The following DDX60 variants were observed in gnomAD, a reference collection of about 807,000 sequenced individuals.
The protein encoded by DDX60 is DExD/H-box helicase 60.
DDX60 carries 165 observed loss-of-function variants against 212.8 expected under a neutral mutation model. The observed-to-expected ratio is 0.78, with a 90% CI of 0.68 to 0.88. The LOEUF (loss-of-function observed/expected upper bound fraction) is 0.88, where lower values mean the gene tolerates loss of function less well. Ranked by LOEUF, DDX60 falls within the 40% of genes least tolerant of loss-of-function variation. The probability of loss-of-function intolerance (pLI) is 0.00; values close to 1 mark genes in which losing one functional copy is unlikely to be tolerated. For missense variants in DDX60, 1,905 were observed against 2,003.9 expected (o/e 0.95, Z 0.94); for synonymous variants, 703 against 685.3 (o/e 1.03, Z -0.40).
chr4:168,284,451 T>C (rs1012267329), intron 12 of DDX60, among the ~76,000 whole-genome samples: 1 of 152,224 alleles, frequency 6.6e-6, no homozygotes, highest in Non-Finnish European at 1.5e-5. Context: ...TGAAGGCAGA[T>C]AGAATGCTGG....
intron 13 of DDX60, 110 bp from the exon 14 acceptor site, chr4:168,280,700 A>G (rs1359081142): frequency 8.2e-7 from 1 of 1,225,742 alleles, no homozygotes; most frequent in African/African-American, 1.5e-5. Flanking sequence ...CCATCATCCC[A>G]TTTTGAGTAG....
intron 30 of DDX60, among the ~76,000 whole-genome samples, chr4:168,242,129 C>G (rs1018661602): frequency 1.3e-5 from 2 of 152,194 alleles, no homozygotes; most frequent in Non-Finnish European, 2.9e-5. Context: ...GGTATGGGAA[C>G]CTCTGCCTCA....
intron 30 of DDX60, among the ~76,000 whole-genome samples, chr4:168,245,538 T>TA (rs1489475981): frequency 2.0e-5 from 3 of 151,970 alleles, no homozygotes; most frequent in African/African-American, 2.4e-5. Context: ...TATAGAGAGG[T>TA]AAAAATGAAG....
chr4:168,293,945 C>T lies in DDX60; in HGVS notation c.724G>A (p.Ala242Thr), dbSNP rs146271794. 3.2e-5 allele frequency: 51 copies of T among 1,593,710 alleles called. No individual in the cohort carries two copies. The highest frequency in any genetic ancestry group is 4.1e-5 in the African/African-American group (3 of 73,492). ...GTAAGCAGAGATACAGTCTTGTGTG[C>T]CTGTCAAAGAAAAAAATTGTAATGT... is the stretch of plus-strand genomic sequence containing the variant. Reference protein sequence around the residue: ...SLKWNNITEEAHKTVSLLTQV... With the variant: ...SLKWNNITEETHKTVSLLTQV... Residue 242 changes from alanine to threonine, a missense_variant and splice_region_variant, in exon 7 of 38, where the codon GCA (alanine) becomes ACA (threonine). Physicochemically the swap from Ala to Thr is moderately conservative, Grantham distance 58. Transcript: ENST00000393743.
At chr4:168,313,737 C>T (rs916603042) in intron 1 of DDX60, among the ~76,000 whole-genome samples, 3 of 152,056 alleles carry the variant, frequency 2.0e-5, no homozygotes, top group African/African-American at 7.3e-5. Flanking sequence ...TTTTTTTATG[C>T]CACTCCTAGG....
chr4:168,281,279 T>G (rs2149526077), intron 13 of DDX60, among the ~76,000 whole-genome samples: 1 of 152,306 alleles, frequency 6.6e-6, no homozygotes, highest in South Asian at 2.1e-4. Context: ...CCACATCACC[T>G]CCCTGTTCTC....
At chr4:168,253,948 G>C (rs561726069) in intron 26 of DDX60, among the ~76,000 whole-genome samples, 1 of 152,290 alleles carries the variant, frequency 6.6e-6, no homozygotes, top group African/African-American at 2.4e-5. Flanking sequence ...CTAAATATGA[G>C]AAGATGTGCT....
At chr4:168,288,964 A>G (rs1351601680) in intron 8 of DDX60, among the ~76,000 whole-genome samples, 1 of 152,226 alleles carries the variant, frequency 6.6e-6, no homozygotes, top group East Asian at 1.9e-4. Flanking sequence ...AATATCAGGC[A>G]TGGAGTATGG....
At chr4:168,321,496 T>C (rs148424186), upstream of DDX60, among the ~76,000 whole-genome samples, 1 of 152,360 alleles carries the variant, frequency 6.6e-6, no homozygotes, top group African/African-American at 2.4e-5. Context: ...ACAACACAGC[T>C]GATACCTTTT....
chr4:168,315,854 C>T (rs1261764254), intron 1 of DDX60, among the ~76,000 whole-genome samples: 1 of 152,082 alleles, frequency 6.6e-6, no homozygotes, highest in African/African-American at 2.4e-5. Context: ...GGTTCCAAGT[C>T]TTTGCTATTG....
intron 11 of DDX60, 65 bp downstream of exon 11, chr4:168,285,328 T>A (rs1413391136): frequency 3.3e-6 from 3 of 916,584 alleles, no homozygotes; most frequent in African/African-American, 1.6e-5. Context: ...TTTCAAATAA[T>A]CCTCGTTGAG....
At position 168,246,357 on chromosome 4, in the gene DDX60, G is replaced by C; in HGVS notation, c.4164+61C>G. On this transcript the variant is annotated intron_variant, in intron 30 of 37. Transcript: ENST00000393743. ...GCTACAGACTTCTAAAAGAACAGCA[G>C]ACCTGACTAAAGTCAGGCCAGTGAT... 5 of 1,599,612 alleles carry C rather than the reference G, an allele frequency of 3.1e-6. No individual in the cohort carries two copies. The South Asian group carries it at 5.5e-5, about 18-fold the overall frequency.
intron 19 of DDX60, among the ~76,000 whole-genome samples, chr4:168,270,131 C>T (rs1164670462): frequency 6.6e-6 from 1 of 152,192 alleles, no homozygotes; most frequent in East Asian, 1.9e-4. Context: ...ATTAAGTAAA[C>T]TGTAACCTTA....
chr4:168,265,397 T>G (rs1368630706), intron 22 of DDX60: 1 of 152,214 alleles, frequency 6.6e-6, no homozygotes, highest in Non-Finnish European at 1.5e-5. Flanking sequence ...TTATCACTGC[T>G]TCTTTAGGAT....
intron 1 of DDX60, 23 bp from the exon 2 acceptor site, chr4:168,311,388 G>T: frequency 3.2e-6 from 3 of 928,658 alleles, no homozygotes; most frequent in Non-Finnish European, 5.0e-6. Flanking sequence ...AAAAGAAAAT[G>T]AGTCTTTATT....
chr4:168,247,369 C>G (rs1480675731), intron 29 of DDX60, among the ~76,000 whole-genome samples: 1 of 152,052 alleles, frequency 6.6e-6, no homozygotes, highest in Non-Finnish European at 1.5e-5. Flanking sequence ...CAGAGTATGG[C>G]AGCAGCAATA....
chr4:168,220,555 G>T, intron 37 of DDX60, 100 bp downstream of exon 37: 1 of 658,834 alleles, frequency 1.5e-6, no homozygotes, highest in Non-Finnish European at 2.6e-6. Context: ...AAGCTTAATG[G>T]CACCTTCATG....
At position 168,288,310 on chromosome 4, in the gene DDX60, C is replaced by T. The variant is rs1176003236; in HGVS notation, c.1047G>A (p.Lys349=). 1 of 1,464,668 alleles carries T rather than the reference C, an allele frequency of 6.8e-7. No individual in the cohort carries two copies. 90.7% of individuals were successfully genotyped at this position (1,464,668 alleles called of 1,614,324 possible). The change falls in exon 9 of 38, where the codon AAG becomes AAA. Residue 349 remains lysine (K), a synonymous_variant. Transcript: ENST00000393743. ...TTCTTAAGATGAAATATTCACACCA[C>T]TTTTTCTGAAAATTGAAAAGAAAAC... ...EDMKPLLQMK[K]WCEYFILRNI... is the part of the protein sequence containing the mutation.
In DDX60 at chr4:168,292,042, TTTCTTTC is replaced by T. The variant is rs1353760990; in HGVS notation, c.883-143_883-137del. 9.8e-4 allele frequency: 480 copies of T among 488,592 alleles called. No individual in the cohort carries two copies. In the African/African-American group the frequency reaches 0.012, roughly 12 times the overall value. 30.3% of individuals were successfully genotyped at this position (488,592 alleles called of 1,614,324 possible). On this transcript the variant is annotated intron_variant, in intron 7 of 37. Transcript: ENST00000393743. Reference sequence around the variant, plus strand: ...AATTATTCCTTTCTTTCTTTCTTTCTTTCTTTCTTTTTTTTTTTTTTTTTGAGACAGA... The same window carrying T: ...AATTATTCCTTTCTTTCTTTCTTTCTTTTTTTTTTTTTTTTTTGAGACAGA...
Sources: gnomAD v4.1 joint callset for allele counts (sites outside exome capture counted in the v4.1 genomes callset) on GRCh38, gnomAD v4.1.1 for gene constraint, MANE v1.5 for transcripts, NCBI Gene and HGNC (gene_info 2026-07-23, HGNC 2026-07-21) for gene names.